Variants in FAAH2 observed in about 807,000 individuals in gnomAD.
The protein encoded by FAAH2 is fatty-acid amide hydrolase 2.
A neutral mutation model predicts 36.9 loss-of-function variants in FAAH2; 60 were observed. The ratio of observed to expected loss-of-function variants is 1.63; its 90% CI spans 1.32 to 2.02. FAAH2 has a LOEUF of 2.02. FAAH2 is among the 30% of genes most tolerant of loss of function. The probability of loss-of-function intolerance (pLI) is 0.00; values close to 1 mark genes in which losing one functional copy is unlikely to be tolerated. For synonymous variants in FAAH2, 214 were observed against 143.8 expected, an observed-to-expected ratio of 1.49 and a Z score of -3.49; for missense variants, 689 against 397.5, an observed-to-expected ratio of 1.73 and a Z score of -6.23.
chrX:57,198,061 A>G, the FAAH2 span, among the ~76,000 whole-genome samples: 4 of 111,657 alleles, frequency 3.6e-5, no homozygotes, highest in Non-Finnish European at 7.5e-5. Flanking sequence ...TATAGGAAAA[A>G]TACATGCTTG....
chrX:57,197,156 A>G, the FAAH2 span, among the ~76,000 whole-genome samples: 2 of 111,310 alleles, frequency 1.8e-5, no homozygotes, highest in Non-Finnish European at 3.8e-5. Context: ...TACTTGTTCT[A>G]GTCTGTTGTT....
At chrX:57,320,926 C>T (rs1229259202) in intron 3 of FAAH2, among the ~76,000 whole-genome samples, 7 of 111,229 alleles carry the variant, frequency 6.3e-5, no homozygotes, top group Non-Finnish European at 1.3e-4. Context: ...ATCATGAGGT[C>T]GGCAGATCGA....
chrX:57,135,157 C>T, the FAAH2 span: 1 of 113,680 alleles, frequency 8.8e-6, no homozygotes, highest in African/African-American at 3.3e-5. Flanking sequence ...TCTAATCCCT[C>T]CAACACCCTA....
intron 8 of FAAH2, among the ~76,000 whole-genome samples, chrX:57,446,547 G>C (rs1367637779): frequency 1.8e-5 from 2 of 111,792 alleles, no homozygotes; most frequent in Non-Finnish European, 3.8e-5. Flanking sequence ...TCCTAAAAGA[G>C]ACCTCGTACT....
intron 7 of FAAH2, among the ~76,000 whole-genome samples, chrX:57,421,362 G>T (rs189626299): frequency 8.8e-4 from 99 of 112,145 alleles, no homozygotes; most frequent in African/African-American, 3.0e-3. Flanking sequence ...TGAGACCGGA[G>T]AGTTGCTTGA....
At chrX:57,469,802 C>T (rs1412015631) in intron 10 of FAAH2, among the ~76,000 whole-genome samples, 2 of 111,659 alleles carry the variant, frequency 1.8e-5, no homozygotes, top group African/African-American at 6.5e-5. Flanking sequence ...ATACATTCTT[C>T]GCAGCACCAC....
intron 4 of FAAH2, among the ~76,000 whole-genome samples, chrX:57,334,281 C>CACACACACACACACACAG (rs1555973771): frequency 9.2e-6 from 1 of 108,147 alleles, no homozygotes. Context: ...CACACACACA[C>CACACACACACACACACAG]ACACACACAC....
chrX:57,407,065 G>A (rs1230303789), intron 7 of FAAH2, among the ~76,000 whole-genome samples: 2 of 112,045 alleles, frequency 1.8e-5, no homozygotes, highest in East Asian at 2.8e-4. Context: ...TGTCCCAAGT[G>A]GTGCTTTGGA....
chrX:57,344,222 T>C, intron 5 of FAAH2, among the ~76,000 whole-genome samples: 1 of 110,880 alleles, frequency 9.0e-6, no homozygotes, highest in African/African-American at 3.3e-5. Flanking sequence ...TTTAATGATA[T>C]TGATTCTTCC....
At chrX:57,171,429 T>A in the FAAH2 span, among the ~76,000 whole-genome samples, 31 of 112,177 alleles carry the variant, frequency 2.8e-4, no homozygotes, top group Non-Finnish European at 4.7e-4. Context: ...CTATTGTTTT[T>A]TGACTTTTTA....
At chrX:57,303,888 G>C (rs1252717753) in intron 2 of FAAH2, among the ~76,000 whole-genome samples, 11 of 111,782 alleles carry the variant, frequency 9.8e-5, no homozygotes, top group Non-Finnish European at 1.3e-4. Context: ...CTGAAATCTA[G>C]CTTCTGTTCC....
intron 6 of FAAH2, 37 bp downstream of exon 6, chrX:57,378,823 C>G (rs145167792): frequency 8.6e-7 from 1 of 1,166,587 alleles, no homozygotes; most frequent in Non-Finnish European, 1.1e-6. Context: ...GGACTCTTAT[C>G]CTGACATTCA....
At position 57,489,086 on chromosome X, in the gene FAAH2, C is replaced by A; in HGVS notation, c.*154C>A. 1 of 568,883 alleles carries A rather than the reference C, an allele frequency of 1.8e-6. No homozygotes were observed. Among genetic ancestry groups the A allele is most frequent in the Non-Finnish European group, 2.6e-6 (1 of 387,704 alleles). The allele number at this position is 568,883 out of a possible 1,213,427, so 46.9% of individuals were successfully genotyped here. ...TTATTCTTTCTACTTTTATTTCCTTCTCTAACTGTTGGTCTTACTAAAATG... is the reference window on the plus strand; with the variant it reads ...TTATTCTTTCTACTTTTATTTCCTTATCTAACTGTTGGTCTTACTAAAATG... On this transcript the variant is annotated 3_prime_UTR_variant, in exon 11 of 11. Coordinates refer to ENST00000374900, the MANE Select transcript of FAAH2 (RefSeq NM_174912.4).
chrX:57,169,016 C>A, the FAAH2 span, among the ~76,000 whole-genome samples: 1 of 111,088 alleles, frequency 9.0e-6, no homozygotes, highest in Admixed American at 9.6e-5. Context: ...AAGATGCCAT[C>A]AGGGTTGGTT....
chrX:57,385,489 T>C (rs2054995297), intron 7 of FAAH2, among the ~76,000 whole-genome samples: 1 of 111,322 alleles, frequency 9.0e-6, no homozygotes, highest in African/African-American at 3.3e-5. Flanking sequence ...GAGGGCCATC[T>C]TACTGCCTTC....
chrX:57,448,995 C>T (rs1232181479), intron 10 of FAAH2, among the ~76,000 whole-genome samples: 5 of 111,557 alleles, frequency 4.5e-5, no homozygotes, highest in Admixed American at 2.9e-4. Context: ...TCTTCTATCA[C>T]TCAGTGTGAT....
chrX:57,330,715 T>C (rs1415386006), intron 3 of FAAH2, among the ~76,000 whole-genome samples: 1 of 111,683 alleles, frequency 9.0e-6, no homozygotes, highest in Non-Finnish European at 1.9e-5. Flanking sequence ...CTTTAAAATT[T>C]CTTTCTTTTG....
chrX:57,471,120 C>A (rs780513107), intron 10 of FAAH2, among the ~76,000 whole-genome samples: 3 of 111,736 alleles, frequency 2.7e-5, no homozygotes, highest in East Asian at 2.8e-4. Context: ...CTATTTATAA[C>A]AAACTCACAG....
intron 7 of FAAH2, among the ~76,000 whole-genome samples, chrX:57,414,357 A>G (rs2147043587): frequency 8.9e-6 from 1 of 112,171 alleles, no homozygotes; most frequent in African/African-American, 3.2e-5. Flanking sequence ...TGGGTTTGTC[A>G]TAAATAGCTC....
Sources: gnomAD v4.1 joint callset for allele counts (sites outside exome capture counted in the v4.1 genomes callset) on GRCh38, gnomAD v4.1.1 for gene constraint, MANE v1.5 for transcripts, NCBI Gene and HGNC (gene_info 2026-07-23, HGNC 2026-07-21) for gene names.